Variants in PARD3 observed in about 807,000 individuals in gnomAD.
PARD3 encodes partitioning defective 3 homolog.
PARD3 carries 75 observed loss-of-function variants against 155.4 expected under a neutral mutation model. That is an observed-to-expected ratio of 0.48 (90% CI 0.40 to 0.58). The LOEUF is 0.58. PARD3 is among the 20% of genes least tolerant of loss of function. The pLI is 0.00. For synonymous variants in PARD3, 576 were observed against 610.5 expected, an observed-to-expected ratio of 0.94 and a Z score of 0.83; for missense variants, 1,642 against 1,721.7, an observed-to-expected ratio of 0.95 and a Z score of 0.82.
intron 3 of PARD3, among the ~76,000 whole-genome samples, chr10:34,496,852 A>G (rs2080324943): frequency 6.6e-6 from 1 of 152,236 alleles, no homozygotes; most frequent in Non-Finnish European, 1.5e-5. Flanking sequence ...ATATAGCTTA[A>G]GTATTTTTGT....
rs781028175 is a variant in PARD3, at chr10:34,378,013, G to GC, written c.1492dup (p.Ala498GlyfsTer9). 4.4e-6 allele frequency: 7 copies of GC among 1,583,794 alleles called. No homozygotes were observed. Among genetic ancestry groups the GC allele is most frequent in the Admixed American group, 3.7e-5 (2 of 54,286 alleles). ...CTTAAGTCGGCCATCCTGAATGGCC[G>GC]CCCCCCGGGGGAGAATGTTTTTCAC... On this transcript the variant is annotated frameshift_variant, in exon 10 of 25. Transcript: ENST00000374788. LOFTEE classifies it high-confidence loss of function.
At chr10:34,785,524 T>C (rs1308005883) in intron 1 of PARD3, among the ~76,000 whole-genome samples, 1 of 152,044 alleles carries the variant, frequency 6.6e-6, no homozygotes, top group Non-Finnish European at 1.5e-5. Flanking sequence ...GGCAGGCAGA[T>C]TGCTTGAGCC....
At chr10:34,793,515 G>C (rs147285772) in intron 1 of PARD3, among the ~76,000 whole-genome samples, 2 of 152,166 alleles carry the variant, frequency 1.3e-5, no homozygotes, top group African/African-American at 4.8e-5. Flanking sequence ...GGCTGGGCAC[G>C]GTGCCTCACA....
chr10:34,605,420 C>T (rs1307392932), intron 2 of PARD3, among the ~76,000 whole-genome samples: 1 of 147,652 alleles, frequency 6.8e-6, no homozygotes, highest in Non-Finnish European at 1.5e-5. Flanking sequence ...GTCTCGATCT[C>T]CTGACCTCAT....
intron 1 of PARD3, among the ~76,000 whole-genome samples, chr10:34,724,389 C>T (rs2094662841): frequency 6.6e-6 from 1 of 152,170 alleles, no homozygotes; most frequent in African/African-American, 2.4e-5. Flanking sequence ...CTTCAGTTCT[C>T]TTACATAACT....
chr10:34,774,843 C>T (rs1395183668), intron 1 of PARD3, among the ~76,000 whole-genome samples: 1 of 152,204 alleles, frequency 6.6e-6, no homozygotes, highest in Non-Finnish European at 1.5e-5. Flanking sequence ...TCAATGAAAT[C>T]TAGCAATTTC....
intron 1 of PARD3, among the ~76,000 whole-genome samples, chr10:34,726,360 T>C (rs1016606342): frequency 2.0e-5 from 3 of 151,994 alleles, no homozygotes; most frequent in African/African-American, 7.3e-5. Flanking sequence ...CCAAGGAGGG[T>C]GGATCACCTG....
At chr10:34,381,364 C>T (rs536954535) in intron 9 of PARD3, among the ~76,000 whole-genome samples, 14 of 152,116 alleles carry the variant, frequency 9.2e-5, no homozygotes, top group Non-Finnish European at 1.5e-4. Flanking sequence ...ATAATAATAC[C>T]ATTTTGAAAG....
intron 22 of PARD3, among the ~76,000 whole-genome samples, chr10:34,200,870 G>A (rs1276562923): frequency 6.6e-6 from 1 of 152,206 alleles, no homozygotes; most frequent in Non-Finnish European, 1.5e-5. Flanking sequence ...AATGAATGTA[G>A]CTGTTCCTGC....
chr10:34,730,850 T>C (rs1370890456), intron 1 of PARD3, among the ~76,000 whole-genome samples: 1 of 152,186 alleles, frequency 6.6e-6, no homozygotes, highest in Non-Finnish European at 1.5e-5. Flanking sequence ...GCAAAGCGAG[T>C]AGACGCTGTG....
intron 3 of PARD3, among the ~76,000 whole-genome samples, chr10:34,495,473 G>C (rs1380148692): frequency 6.6e-6 from 1 of 152,186 alleles, no homozygotes. Flanking sequence ...TTCAGACATA[G>C]CTGTGAAAAC....
intron 2 of PARD3, among the ~76,000 whole-genome samples, chr10:34,630,011 C>CTG (rs1239994614): frequency 6.6e-6 from 1 of 152,130 alleles, no homozygotes; most frequent in Non-Finnish European, 1.5e-5. Flanking sequence ...GAAACACGGC[C>CTG]TGTATTACTG....
At chr10:34,700,909 A>C (rs1023123744) in intron 1 of PARD3, among the ~76,000 whole-genome samples, 1 of 152,130 alleles carries the variant, frequency 6.6e-6, no homozygotes, top group African/African-American at 2.4e-5. Context: ...TGGGAGGCGG[A>C]GGTTGCAGTG....
intron 1 of PARD3, among the ~76,000 whole-genome samples, chr10:34,803,683 A>C (rs1261090420): frequency 6.6e-6 from 1 of 151,846 alleles, no homozygotes; most frequent in Non-Finnish European, 1.5e-5. Flanking sequence ...GGAACCTATA[A>C]TCCCAGCTAC....
chr10:34,346,312 G>A, intron 15 of PARD3: 1 of 1,258,852 alleles, frequency 7.9e-7, no homozygotes, highest in Non-Finnish European at 1.0e-6. Flanking sequence ...GTCACTAGCT[G>A]AATTTAGGGA....
intron 24 of PARD3, among the ~76,000 whole-genome samples, chr10:34,113,520 CACAT>C (rs922194549): frequency 6.0e-5 from 9 of 150,090 alleles, no homozygotes; most frequent in East Asian, 1.9e-4. Flanking sequence ...CACACACACA[CACAT>C]AGACACACAC....
chr10:34,806,208 T>TC (rs1296428945), intron 1 of PARD3, among the ~76,000 whole-genome samples: 2 of 149,924 alleles, frequency 1.3e-5, no homozygotes, highest in Non-Finnish European at 3.0e-5. Context: ...TTTTTTTTTT[T>TC]TTTTTTTGAG....
At chr10:34,192,372 A>G (rs2133272363) in intron 22 of PARD3, among the ~76,000 whole-genome samples, 1 of 152,246 alleles carries the variant, frequency 6.6e-6, no homozygotes, top group Middle Eastern at 3.4e-3. Context: ...TGCTGGGATT[A>G]CAGGCGTGAG....
At chr10:34,364,300 T>G (rs1352750044) in intron 12 of PARD3, among the ~76,000 whole-genome samples, 1 of 152,130 alleles carries the variant, frequency 6.6e-6, no homozygotes, top group Non-Finnish European at 1.5e-5. Context: ...TAGAAGACCA[T>G]AAAATTATAG....
Sources: gnomAD v4.1 joint callset for allele counts (sites outside exome capture counted in the v4.1 genomes callset) on GRCh38, gnomAD v4.1.1 for gene constraint, MANE v1.5 for transcripts, NCBI Gene and HGNC (gene_info 2026-07-23, HGNC 2026-07-21) for gene names.